Variants in COL24A1 observed in about 807,000 individuals in gnomAD.
The protein encoded by COL24A1 is collagen type XXIV alpha 1 chain.
Under a neutral mutation model 253.9 loss-of-function variants are expected in COL24A1, and 224 were observed. That is an observed-to-expected ratio of 0.88 (90% confidence interval 0.79 to 0.99). COL24A1 has a LOEUF of 0.99. Among genes scored for constraint, COL24A1 ranks in the 50% least tolerant of loss-of-function variants. The pLI is 0.00. For synonymous variants in COL24A1, 685 were observed against 673.7 expected, an observed-to-expected ratio of 1.02 and a Z score of -0.26; for missense variants, 2,131 against 2,068.5, an observed-to-expected ratio of 1.03 and a Z score of -0.59.
rs61785085 is a variant in COL24A1 at position 85,874,641 on chromosome 1, G to T, written c.3138+8C>A. 1.2e-6 allele frequency: 2 copies of T among 1,611,442 alleles called. No homozygotes were observed. The highest frequency in any genetic ancestry group is 1.7e-5 in the Admixed American group (1 of 59,848). On this transcript the variant is annotated splice_region_variant and intron_variant, in intron 35 of 59. Coordinates refer to ENST00000370571, the MANE Select transcript of COL24A1 (RefSeq NM_152890.7). ...AGTGTATTAAAAGAGTTTCAAGGGG[G>T]CACTCACCCGTAAACCTGGTTCCCC...
At chr1:86,142,106 C>T (rs1651182440) in intron 2 of COL24A1, among the ~76,000 whole-genome samples, 1 of 149,860 alleles carries the variant, frequency 6.7e-6, no homozygotes, top group Non-Finnish European at 1.5e-5. Context: ...ATGCAGAGAG[C>T]AGAAGAAAAG....
chr1:85,799,379 TAAAAAAAAAAAA>T (rs66952563), intron 47 of COL24A1, among the ~76,000 whole-genome samples: 1 of 112,336 alleles, frequency 8.9e-6, no homozygotes, highest in Admixed American at 9.2e-5. Flanking sequence ...GTGCCATGAC[TAAAAAAAAAAAA>T]AAAAAAAAAA....
chr1:85,850,883 A>G (rs1362019924), intron 37 of COL24A1, among the ~76,000 whole-genome samples: 1 of 152,084 alleles, frequency 6.6e-6, no homozygotes, highest in Non-Finnish European at 1.5e-5. Context: ...TTAAAAGTGT[A>G]TTACACAATA....
chr1:86,017,288 T>G, intron 18 of COL24A1, 84 bp from the exon 19 acceptor site: 3 of 1,144,394 alleles, frequency 2.6e-6, no homozygotes, highest in South Asian at 1.5e-5. Context: ...GGTAAACAAA[T>G]AGCAGTCAGT....
intron 46 of COL24A1, among the ~76,000 whole-genome samples, chr1:85,817,718 A>G (rs982969200): frequency 6.6e-6 from 1 of 152,046 alleles, no homozygotes; most frequent in Admixed American, 6.6e-5. Context: ...GGCCTTTGTC[A>G]CCATTCATTT....
At chr1:85,870,400 C>T (rs1156771066) in intron 35 of COL24A1, among the ~76,000 whole-genome samples, 1 of 152,188 alleles carries the variant, frequency 6.6e-6, no homozygotes. Flanking sequence ...ATACATTCTT[C>T]TCAGCACCAT....
intron 3 of COL24A1, among the ~76,000 whole-genome samples, chr1:86,119,172 A>AAAAC (rs1372442950): frequency 1.3e-5 from 2 of 152,310 alleles, no homozygotes; most frequent in South Asian, 4.1e-4. Flanking sequence ...CCAAAAGAAG[A>AAAAC]AAACATCATC....
intron 7 of COL24A1, among the ~76,000 whole-genome samples, chr1:86,069,062 G>A (rs985870915): frequency 6.6e-6 from 1 of 152,142 alleles, no homozygotes; most frequent in Non-Finnish European, 1.5e-5. Flanking sequence ...TGGTCACAGT[G>A]AAAGACTCCT....
intron 24 of COL24A1, among the ~76,000 whole-genome samples, chr1:85,922,820 T>G (rs1375227790): frequency 6.6e-6 from 1 of 152,128 alleles, no homozygotes; most frequent in Non-Finnish European, 1.5e-5. Context: ...CATAACAATA[T>G]TAACCTTAAA....
At position 85,999,934 on chromosome 1, in the gene COL24A1, A is replaced by G. The variant is rs77729980; in HGVS notation, c.2311-12280T>C. Reference sequence around the variant, plus strand: ...TGCTGCCTCTGACATAGCTTGAAATATAAGGTCTTATACAATTTGATGCCA... The same window carrying G: ...TGCTGCCTCTGACATAGCTTGAAATGTAAGGTCTTATACAATTTGATGCCA... On this transcript the variant is annotated intron_variant, in intron 19 of 59. Transcript: ENST00000370571. 3.5e-4 allele frequency among the ~76,000 whole-genome samples: 54 copies of G among 152,312 alleles called. No individual in the cohort carries two copies. In the East Asian group the frequency reaches 5.8e-3, roughly 16 times the overall value.
At chr1:85,934,557 G>C (rs1180220656) in intron 24 of COL24A1, among the ~76,000 whole-genome samples, 1 of 152,016 alleles carries the variant, frequency 6.6e-6, no homozygotes, top group Non-Finnish European at 1.5e-5. Context: ...TCATGAATAA[G>C]GTACTATAGT....
intron 3 of COL24A1, among the ~76,000 whole-genome samples, chr1:86,120,094 GA>G (rs1173576875): frequency 2.0e-5 from 3 of 152,186 alleles, no homozygotes; most frequent in African/African-American, 7.2e-5. Context: ...GCCATATGTA[GA>G]AAGCTGAAAC....
At chr1:86,138,171 A>ATATTGATTTTAATCTGTATCCTTG (rs1650532819) in intron 2 of COL24A1, among the ~76,000 whole-genome samples, 1 of 152,180 alleles carries the variant, frequency 6.6e-6, no homozygotes, top group Non-Finnish European at 1.5e-5. Context: ...AACTGTGAAT[A>ATATTGATTTTAATCTGTATCCTTG]TATTGATTTT....
chr1:85,969,144 T>C (rs971961840), intron 22 of COL24A1, among the ~76,000 whole-genome samples: 1 of 152,166 alleles, frequency 6.6e-6, no homozygotes, highest in Non-Finnish European at 1.5e-5. Flanking sequence ...TTAAATAAGA[T>C]CAATTTTATT....
At chr1:86,119,724 A>G (rs1706536693) in intron 3 of COL24A1, among the ~76,000 whole-genome samples, 1 of 152,190 alleles carries the variant, frequency 6.6e-6, no homozygotes, top group Admixed American at 6.6e-5. Flanking sequence ...ACCATTCTGA[A>G]ACAAATCACC....
chr1:85,945,087 G>A (rs1310423698), intron 24 of COL24A1, among the ~76,000 whole-genome samples: 4 of 123,866 alleles, frequency 3.2e-5, no homozygotes, highest in African/African-American at 6.2e-5. Flanking sequence ...GCACAATCTC[G>A]GCTCACTGCA....
intron 32 of COL24A1, among the ~76,000 whole-genome samples, chr1:85,887,309 G>C (rs776187263): frequency 6.6e-6 from 1 of 152,012 alleles, no homozygotes; most frequent in Non-Finnish European, 1.5e-5. Context: ...ATAAAAGAGA[G>C]AATGGACAAA....
chr1:85,765,325 G>T (rs1482160292), intron 53 of COL24A1, among the ~76,000 whole-genome samples: 1 of 143,448 alleles, frequency 7.0e-6, no homozygotes, highest in Non-Finnish European at 1.5e-5. Context: ...CAGCTAATCT[G>T]AAAATTCATG....
chr1:85,891,361 G>A (rs1683122513), intron 31 of COL24A1, among the ~76,000 whole-genome samples: 2 of 151,980 alleles, frequency 1.3e-5, no homozygotes, highest in Non-Finnish European at 2.9e-5. Flanking sequence ...TCTGCGCCCG[G>A]CCGTAAGTTG....
Sources: allele counts gnomAD v4.1 joint callset (sites outside exome capture counted in the v4.1 genomes callset), GRCh38; gene constraint gnomAD v4.1.1; transcripts MANE v1.5; gene names NCBI Gene and HGNC (gene_info 2026-07-23, HGNC 2026-07-21).